EZH1: variants seen among roughly 807,000 people sequenced by gnomAD.
The protein encoded by EZH1 is histone-lysine N-methyltransferase EZH1.
EZH1 carries 33 observed loss-of-function variants against 100.5 expected under a neutral mutation model. The observed-to-expected ratio is 0.33, with a 90% confidence interval of 0.25 to 0.44. The LOEUF (loss-of-function observed/expected upper bound fraction) is 0.44. Ranked by LOEUF, EZH1 falls within the 20% of genes least tolerant of loss-of-function variation. The probability of loss-of-function intolerance (pLI) is 1.00; values close to 1 mark genes in which losing one functional copy is unlikely to be tolerated. For missense variants in EZH1, 475 were observed against 928.4 expected (o/e 0.51, Z 6.35); for synonymous variants, 272 against 313.8 (o/e 0.87, Z 1.41).
chr17:42,730,487 CTTTTTTTTTT>C (rs1156867481), intron 2 of EZH1, among the ~76,000 whole-genome samples: 3 of 66,660 alleles, frequency 4.5e-5, no homozygotes, highest in African/African-American at 5.8e-5. Context: ...AGTATGTATT[CTTTTTTTTTT>C]TTTTTTTTTT....
intron 4 of EZH1, among the ~76,000 whole-genome samples, chr17:42,727,321 T>C (rs1255607864): frequency 6.6e-6 from 1 of 152,166 alleles, no homozygotes; most frequent in East Asian, 1.9e-4. Context: ...GGTGAAATCA[T>C]AGTTTATTTC....
intron 4 of EZH1, among the ~76,000 whole-genome samples, chr17:42,726,260 G>C (rs1286881801): frequency 1.4e-5 from 2 of 140,558 alleles, no homozygotes; most frequent in African/African-American, 2.7e-5. Context: ...CGCCCAGGCT[G>C]GAGATCATAG....
rs1349679618 is a variant in EZH1, at chr17:42,701,529, C to G, written c.*1003G>C. The G allele has an allele frequency of 6.5e-6, 1 of 152,862 alleles. No individual in the cohort carries two copies. The highest frequency in any genetic ancestry group is 2.4e-5 in the African/African-American group (1 of 41,468). The allele number at this position is 152,862 out of a possible 1,614,324, so 9.5% of individuals were successfully genotyped here. A position where few individuals can be genotyped will look rare whatever the true frequency, so the allele number is the denominator to read the frequency against. On this transcript the variant is annotated 3_prime_UTR_variant, in exon 21 of 21. Coordinates refer to ENST00000428826, the MANE Select transcript of EZH1 (RefSeq NM_001991.5). The stretch of plus-strand genomic sequence containing the variant: ...AGACAGGAAAGCAGATTACACCAAT[C>G]TTTCTCCTCTCTAGTCCAAGCCTGT...
chr17:42,728,257 G>A (rs2053864251), intron 3 of EZH1, among the ~76,000 whole-genome samples: 1 of 151,060 alleles, frequency 6.6e-6, no homozygotes, highest in Admixed American at 6.6e-5. Flanking sequence ...GGGATTACAG[G>A]CATATGACAC....
intron 4 of EZH1, among the ~76,000 whole-genome samples, chr17:42,725,392 C>G (rs1039374761): frequency 2.0e-5 from 3 of 151,884 alleles, no homozygotes; most frequent in African/African-American, 7.3e-5. Flanking sequence ...CCTCAGCCTC[C>G]CGAGAAGCTG....
chr17:42,737,141 G>A (rs977733092), intron 1 of EZH1, among the ~76,000 whole-genome samples: 8 of 151,980 alleles, frequency 5.3e-5, no homozygotes, highest in Admixed American at 2.0e-4. Context: ...ACATGCCACC[G>A]CGCCGAGCTA....
At position 42,706,823 on chromosome 17, in the gene EZH1, T is replaced by C. The variant is rs2089115; in HGVS notation, c.1661-638A>G. 0.47 allele frequency among the ~76,000 whole-genome samples: 71,901 copies of C among 152,028 alleles called. 17,219 individuals are homozygous for C. Among genetic ancestry groups the C allele is most frequent in the Non-Finnish European group, 0.53 (35,976 of 67,952 alleles). On this transcript the variant is annotated intron_variant, in intron 15 of 20. Transcript: ENST00000428826. The surrounding 1 kb of genome is among the most constrained non-coding windows in gnomAD (Gnocchi z 4.4). ...ATATGAAATCAGTGTGTTTCACTGG[T>C]AAATTGTCACCATCAAAACAAGTAT...
At chr17:42,711,785 TG>T (rs1165201032) in intron 12 of EZH1, among the ~76,000 whole-genome samples, 1 of 152,164 alleles carries the variant, frequency 6.6e-6, no homozygotes, top group African/African-American at 2.4e-5. Context: ...CACTCCAGCC[TG>T]GGCGACACAG....
intron 12 of EZH1, among the ~76,000 whole-genome samples, chr17:42,711,487 A>G (rs947732651): frequency 6.7e-6 from 1 of 148,638 alleles, no homozygotes. Context: ...AAACAAAACA[A>G]AAAAAATTAG....
intron 12 of EZH1, among the ~76,000 whole-genome samples, chr17:42,710,625 G>GTTT (rs1347789208): frequency 1.7e-4 from 20 of 121,164 alleles, no homozygotes; most frequent in East Asian, 4.7e-4. Flanking sequence ...TTCTGTTTTT[G>GTTT]TTTGTTTTTT....
intron 12 of EZH1, among the ~76,000 whole-genome samples, chr17:42,711,317 T>C (rs891166201): frequency 2.6e-5 from 4 of 152,104 alleles, no homozygotes; most frequent in African/African-American, 7.2e-5. Context: ...CTATTACAAA[T>C]ACAAAATTAG....
At chr17:42,713,501 CT>C in intron 10 of EZH1, 112 bp from the exon 11 acceptor site, 1 of 999,312 alleles carries the variant, frequency 1.0e-6, no homozygotes, top group Non-Finnish European at 1.4e-6. Flanking sequence ...AGTGTCTTTT[CT>C]TTTTCTCTGT....
intron 1 of EZH1, among the ~76,000 whole-genome samples, chr17:42,732,427 G>A (rs1179623531): frequency 6.6e-6 from 1 of 152,008 alleles, no homozygotes; most frequent in East Asian, 1.9e-4. Context: ...GAGCTCAGGA[G>A]TTTGATACAA....
chr17:42,741,126 T>G (rs1160682595), intron 1 of EZH1, among the ~76,000 whole-genome samples: 10 of 152,286 alleles, frequency 6.6e-5, no homozygotes, highest in Non-Finnish European at 1.2e-4. Flanking sequence ...CTCTTTAGTT[T>G]ATTCTATGTA....
intron 3 of EZH1, among the ~76,000 whole-genome samples, chr17:42,728,228 C>A (rs928051860): frequency 6.6e-6 from 1 of 151,198 alleles, no homozygotes; most frequent in Non-Finnish European, 1.5e-5. Flanking sequence ...ATTCTCCTGC[C>A]TCAGCCTCCC....
intron 4 of EZH1, among the ~76,000 whole-genome samples, chr17:42,725,393 C>T (rs113174132): frequency 0.01 from 1,568 of 151,774 alleles, 18 homozygotes; most frequent in Middle Eastern, 0.031. Flanking sequence ...CTCAGCCTCC[C>T]GAGAAGCTGG....
chr17:42,708,858 T>C lies in EZH1; in HGVS notation c.1534+18A>G, dbSNP rs369878131. 2.9e-5 allele frequency: 46 copies of C among 1,613,912 alleles called. No individual in the cohort carries two copies. The highest frequency in any genetic ancestry group is 3.5e-5 in the Non-Finnish European group (41 of 1,179,964). ...GGCCTCCAGCTGAACTGCTGAAGAA[T>C]GCCCTGGTAGAACTTACCTTTCTTC... On this transcript the variant is annotated intron_variant, in intron 14 of 20. Coordinates refer to ENST00000428826, the MANE Select transcript of EZH1 (RefSeq NM_001991.5).
chr17:42,711,519 T>C (rs1310871843), intron 12 of EZH1, among the ~76,000 whole-genome samples: 1 of 151,298 alleles, frequency 6.6e-6, no homozygotes, highest in Non-Finnish European at 1.5e-5. Flanking sequence ...GGTGGGCACC[T>C]GTAATCCCAG....
At chr17:42,732,835 A>G (rs571997933) in intron 1 of EZH1, among the ~76,000 whole-genome samples, 54 of 151,832 alleles carry the variant, frequency 3.6e-4, no homozygotes, top group African/African-American at 1.3e-3. Context: ...TGTAGTTCCA[A>G]CTACTCAAGA....
Sources: gnomAD v4.1 joint callset for allele counts (sites outside exome capture counted in the v4.1 genomes callset) on GRCh38, gnomAD v4.1.1 for gene constraint, Gnocchi (gnomAD v3.1) non-coding constraint, MANE v1.5 for transcripts, NCBI Gene and HGNC (gene_info 2026-07-23, HGNC 2026-07-21) for gene names.